Variants in ILDR2 observed in about 807,000 individuals in gnomAD.
ILDR2 encodes immunoglobulin like domain containing receptor 2.
A neutral mutation model predicts 66.8 loss-of-function variants in ILDR2; 25 were observed. The observed-to-expected ratio is 0.37, with a 90% CI of 0.27 to 0.52. The LOEUF is 0.52. Ranked by LOEUF, ILDR2 falls within the 20% of genes least tolerant of loss-of-function variation. The pLI is 0.88. For missense variants in ILDR2, 827 were observed against 876.8 expected (o/e 0.94, Z 0.72); for synonymous variants, 367 against 357.2 (o/e 1.03, Z -0.31).
Position 166,913,460 on chromosome 1 carries a change from A to G in ILDR2, c.*5895T>C, listed in dbSNP as rs1237344224. On this transcript the variant is annotated 3_prime_UTR_variant, in exon 10 of 10. Coordinates refer to ENST00000271417, the MANE Select transcript of ILDR2 (RefSeq NM_199351.3). Reference sequence around the variant, plus strand: ...GTCGTGTCTAATACTTTTGTTAATAAAATGGCTTTTCCTTAAAGCCAAGGT... The same window carrying G: ...GTCGTGTCTAATACTTTTGTTAATAGAATGGCTTTTCCTTAAAGCCAAGGT... The G allele has an allele frequency of 6.6e-6, 1 of 152,204 alleles. No individual in the cohort carries two copies. Among genetic ancestry groups the G allele is most frequent in the Non-Finnish European group, 1.5e-5 (1 of 68,040 alleles). 9.4% of individuals were successfully genotyped at this position (152,204 alleles called of 1,614,324 possible).
At position 166,921,487 on chromosome 1, in the gene ILDR2, GCCTGAGCCTCAGCT is replaced by G; in HGVS notation, c.1212-122_1212-109del. The G allele has an allele frequency of 3.2e-6, 3 of 923,138 alleles. No homozygotes were observed. The highest frequency in any genetic ancestry group is 4.7e-6 in the Non-Finnish European group (3 of 632,268). The allele number at this position is 923,138 out of a possible 1,614,324, so 57.2% of individuals were successfully genotyped here. A position where few individuals can be genotyped will look rare whatever the true frequency, so the allele number is the denominator to read the frequency against. On this transcript the variant is annotated intron_variant, in intron 8 of 9. Coordinates refer to ENST00000271417, the MANE Select transcript of ILDR2 (RefSeq NM_199351.3). This position sits in a 1 kb window ranked among gnomAD's most constrained non-coding sequence, Gnocchi z 5.3. ...CTGGGGCCACGCTCAGGAGACCTCGGCCTGAGCCTCAGCTCCGCTCCAGGCTGGATGAAGCATTC... is the reference window on the plus strand; with the variant it reads ...CTGGGGCCACGCTCAGGAGACCTCGGCCGCTCCAGGCTGGATGAAGCATTC...
rs1438047810 is a variant in ILDR2 at position 166,922,937 on chromosome 1, T to C, written c.995-128A>G. ...CTGCCTCATTGCTGTCCAGGGTGGG[T>C]TGTAAGCCTGAACTAGTGGTGTTTG... On this transcript the variant is annotated intron_variant, in intron 7 of 9. Transcript: ENST00000271417. The C allele has an allele frequency of 2.8e-5, 21 of 757,258 alleles. No homozygotes were observed. In the East Asian group the frequency reaches 5.3e-4, roughly 19 times the overall value. 46.9% of individuals were successfully genotyped at this position (757,258 alleles called of 1,614,324 possible). A position where few individuals can be genotyped will look rare whatever the true frequency, so the allele number is the denominator to read the frequency against.
downstream of ILDR2, among the ~76,000 whole-genome samples, chr1:166,906,566 G>A (rs1304716529): frequency 1.3e-5 from 2 of 152,222 alleles, no homozygotes; most frequent in South Asian, 2.1e-4. Flanking sequence ...AGTAGAGGTA[G>A]AGACTGGCAA....
At position 166,920,697 on chromosome 1, in the gene ILDR2, G is replaced by T; in HGVS notation, c.1884+10C>A. ...TCCCCTCGGAGGAGGGGAGGCAGAC[G>T]CAGTCTCACGGTTTTCTTGGCGGGC... On this transcript the variant is annotated intron_variant, in intron 9 of 9. Transcript: ENST00000271417. The T allele has an allele frequency of 5.1e-6, 7 of 1,382,818 alleles. No individual in the cohort carries two copies. The highest frequency in any genetic ancestry group is 6.6e-6 in the Non-Finnish European group (7 of 1,063,780). The allele number at this position is 1,382,818 out of a possible 1,614,324, so 85.7% of individuals were successfully genotyped here.
At chr1:166,902,940 T>C (rs941008940) in intron 2 of ILDR2, among the ~76,000 whole-genome samples, 4 of 152,198 alleles carry the variant, frequency 2.6e-5, no homozygotes, top group Non-Finnish European at 5.9e-5. Flanking sequence ...ATTGAATAAA[T>C]CAACAAGCCT....
At position 166,917,601 on chromosome 1, in the gene ILDR2, G is replaced by A. The variant is rs367848112; in HGVS notation, c.*1754C>T. On this transcript the variant is annotated 3_prime_UTR_variant, in exon 10 of 10. Coordinates refer to ENST00000271417, the MANE Select transcript of ILDR2 (RefSeq NM_199351.3). ...ATAAAAATTTGTCAACAATAGTGGA[G>A]GCTATGAGAAACACAAGTTTGGATG... 3 of 152,206 alleles carry A rather than the reference G, an allele frequency of 2.0e-5. No homozygotes were observed. The highest frequency in any genetic ancestry group is 4.4e-5 in the Non-Finnish European group (3 of 68,050). 9.4% of individuals were successfully genotyped at this position (152,206 alleles called of 1,614,324 possible). A position where few individuals can be genotyped will look rare whatever the true frequency, so the allele number is the denominator to read the frequency against.
rs748481777 is a variant in ILDR2 at position 166,921,266 on chromosome 1, C to T, written c.1325G>A (p.Arg442His). Residue 442 changes from arginine (R) to histidine (H), a missense_variant, in exon 9 of 10, where the codon CGC (arginine) becomes CAC (histidine). Around this residue, in one of 2 missense-constraint regions of ILDR2, gnomAD observed 390 missense variants for 353.6 expected, o/e 1.10. Coordinates refer to ENST00000271417, the MANE Select transcript of ILDR2 (RefSeq NM_199351.3). The surrounding 1 kb of genome is among the most constrained non-coding windows in gnomAD (Gnocchi z 5.3). ...CTCGTGACTGTTGCCGTCTGCCCGG[C>T]GGGGCCGCTGGCCGTAGGAGTCAGC... ...AFADSYGQRP[R>H]RADGNSHEAR... 1.9e-6 allele frequency: 3 copies of T among 1,598,576 alleles called. No homozygotes were observed. Among genetic ancestry groups the T allele is most frequent in the East Asian group, 2.2e-5 (1 of 44,552 alleles).
intron 3 of ILDR2, among the ~76,000 whole-genome samples, chr1:166,952,675 GT>G (rs1662051544): frequency 6.6e-6 from 1 of 152,186 alleles, no homozygotes; most frequent in Non-Finnish European, 1.5e-5. Flanking sequence ...TCGGTCAATG[GT>G]TGTGGGCAGT....
Position 166,922,665 on chromosome 1 carries a change from C to T in ILDR2, c.1139G>A (p.Gly380Asp), listed in dbSNP as rs769412586. Residue 380 changes from glycine to aspartate, a missense_variant, in exon 8 of 10, where the codon GGC (glycine) becomes GAC (aspartate). Gly to Asp is a moderately conservative substitution (Grantham distance 94, BLOSUM62 -1). Transcript: ENST00000271417. ...NPDYWSGVMG[G>D]SSGASRGPSA... ...GGGCCCGCGGCTTGCCCCACTGCTG[C>T]CTCCCATGACACCTGACCAATAGTC... 1 of 1,614,220 alleles carries T rather than the reference C, an allele frequency of 6.2e-7. No individual in the cohort carries two copies. The highest frequency in any genetic ancestry group is 8.5e-7 in the Non-Finnish European group (1 of 1,180,038).
intron 6 of ILDR2, among the ~76,000 whole-genome samples, chr1:166,930,934 T>C (rs1557937043): frequency 6.6e-6 from 1 of 152,264 alleles, no homozygotes; most frequent in Non-Finnish European, 1.5e-5. Context: ...TCCTAGACTA[T>C]TGGCCAAAGT....
intron 1 of ILDR2, among the ~76,000 whole-genome samples, chr1:166,962,292 C>G (rs746179673): frequency 3.3e-5 from 5 of 152,144 alleles, no homozygotes; most frequent in Non-Finnish European, 5.9e-5. Flanking sequence ...ATCTCTTTCT[C>G]TCAACCTGTG....
Position 166,936,764 on chromosome 1 carries a change from A to G in ILDR2, c.557-27T>C, listed in dbSNP as rs771635401. Reference sequence around the variant, plus strand: ...TGGAAGGATGCACAAAGAAATCCACACTCGAGGCAGCCCACCTCCAGGGCA... The same window carrying G: ...TGGAAGGATGCACAAAGAAATCCACGCTCGAGGCAGCCCACCTCCAGGGCA... On this transcript the variant is annotated intron_variant, in intron 4 of 9. Coordinates refer to ENST00000271417, the MANE Select transcript of ILDR2 (RefSeq NM_199351.3). This position sits in a 1 kb window ranked among gnomAD's most constrained non-coding sequence, Gnocchi z 5.0. 3.0e-5 allele frequency: 48 copies of G among 1,612,752 alleles called. No individual in the cohort carries two copies. The highest frequency in any genetic ancestry group is 3.9e-5 in the Non-Finnish European group (46 of 1,179,218).
rs1335383989 is a variant in ILDR2, at chr1:166,915,902, G to A, written c.*3453C>T. 4 of 152,226 alleles carry A rather than the reference G, an allele frequency of 2.6e-5. No homozygotes were observed. Among genetic ancestry groups the A allele is most frequent in the African/African-American group, 9.7e-5 (4 of 41,428 alleles). The allele number at this position is 152,226 out of a possible 1,614,324, so 9.4% of individuals were successfully genotyped here. A position where few individuals can be genotyped will look rare whatever the true frequency, so the allele number is the denominator to read the frequency against. On this transcript the variant is annotated 3_prime_UTR_variant, in exon 10 of 10. Coordinates refer to ENST00000271417, the MANE Select transcript of ILDR2 (RefSeq NM_199351.3). ...ATCTCCGTGAGGCCTGCCCTGTGTT[G>A]GTGAATATGGGCAGCAGCACTCACA...
At chr1:166,969,073 A>T (rs574484361) in intron 1 of ILDR2, among the ~76,000 whole-genome samples, 95 of 152,328 alleles carry the variant, frequency 6.2e-4, no homozygotes, top group African/African-American at 2.2e-3. Context: ...AATTTTAATT[A>T]TCACAACAAC....
chr1:166,957,703 A>T (rs2101982128), intron 2 of ILDR2, 66 bp downstream of exon 2: 1 of 1,352,526 alleles, frequency 7.4e-7, no homozygotes, highest in South Asian at 1.3e-5. Context: ...ATATTGACAT[A>T]AGGGAAGGGA....
At chr1:166,935,693 A>T (rs1181161377) in intron 5 of ILDR2, among the ~76,000 whole-genome samples, 1 of 152,204 alleles carries the variant, frequency 6.6e-6, no homozygotes, top group African/African-American at 2.4e-5. Context: ...GACAAAAGGA[A>T]TTACAATGTT....
intron 1 of ILDR2, among the ~76,000 whole-genome samples, chr1:166,967,342 A>G (rs1369888111): frequency 6.6e-6 from 1 of 152,084 alleles, no homozygotes; most frequent in East Asian, 1.9e-4. Context: ...GTGGGTTACA[A>G]TATTTTAGGA....
chr1:166,913,635 T>C lies in ILDR2; in HGVS notation c.*5720A>G, dbSNP rs1418068041. 1 of 152,162 alleles carries C rather than the reference T, an allele frequency of 6.6e-6. No homozygotes were observed. Among genetic ancestry groups the C allele is most frequent in the Non-Finnish European group, 1.5e-5 (1 of 68,026 alleles). 9.4% of individuals were successfully genotyped at this position (152,162 alleles called of 1,614,324 possible). A position where few individuals can be genotyped will look rare whatever the true frequency, so the allele number is the denominator to read the frequency against. Reference sequence around the variant, plus strand: ...TTCTCACATTCCTTATTCCTCTATATCTGATCCCTCTTAGTTCTACCTAAA... The same window carrying C: ...TTCTCACATTCCTTATTCCTCTATACCTGATCCCTCTTAGTTCTACCTAAA... On this transcript the variant is annotated 3_prime_UTR_variant, in exon 10 of 10. Coordinates refer to ENST00000271417, the MANE Select transcript of ILDR2 (RefSeq NM_199351.3).
Position 166,975,391 on chromosome 1 carries a change from C to T in ILDR2, c.-123G>A, listed in dbSNP as rs1663534015. 2.4e-6 allele frequency: 1 copy of T among 420,536 alleles called. No homozygotes were observed. The highest frequency in any genetic ancestry group is 6.4e-5 in the Admixed American group (1 of 15,528). The allele number at this position is 420,536 out of a possible 1,614,324, so 26.1% of individuals were successfully genotyped here. A position where few individuals can be genotyped will look rare whatever the true frequency, so the allele number is the denominator to read the frequency against. On this transcript the variant is annotated 5_prime_UTR_variant, in exon 1 of 10. Coordinates refer to ENST00000271417, the MANE Select transcript of ILDR2 (RefSeq NM_199351.3). Reference sequence around the variant, plus strand: ...GCGGCGGGCACCGGGCGTCCCTGGGCGCAGCGCCCGCCGGGCCGGCCGCGC... The same window carrying T: ...GCGGCGGGCACCGGGCGTCCCTGGGTGCAGCGCCCGCCGGGCCGGCCGCGC...
Sources: gnomAD v4.1 joint callset for allele counts (sites outside exome capture counted in the v4.1 genomes callset) on GRCh38, gnomAD v4.1.1 for gene constraint, gnomAD v4.1.1 regional missense constraint, Gnocchi (gnomAD v3.1) non-coding constraint, MANE v1.5 for transcripts, NCBI Gene and HGNC (gene_info 2026-07-23, HGNC 2026-07-21) for gene names.